The following SGSM3 variants were observed in gnomAD, a reference collection of about 807,000 sequenced individuals.
SGSM3 encodes the protein small G protein signaling modulator 3, also known as RUN and SH3 containing 3.
In SGSM3, 96 loss-of-function variants were observed where a neutral mutation model predicts 100.5. The ratio of observed to expected loss-of-function variants is 0.96; its 90% CI spans 0.81 to 1.13. The LOEUF is 1.13. SGSM3 is among the 50% of genes most tolerant of loss of function. SGSM3 has a pLI of 0.00. For missense variants in SGSM3, 1,001 were observed against 1,015.8 expected (o/e 0.99, Z 0.20); for synonymous variants, 483 against 422.8 (o/e 1.14, Z -1.75).
chr22:40,406,269 G>C (rs375128564), intron 9 of SGSM3, 46 bp downstream of exon 9: 31 of 1,607,096 alleles, frequency 1.9e-5, no homozygotes, highest in Non-Finnish European at 2.5e-5. Context: ...CACCCGAGAT[G>C]GGGGGCAGGG....
chr22:40,403,377 G>A (rs1187589366), intron 4 of SGSM3, among the ~76,000 whole-genome samples: 1 of 152,210 alleles, frequency 6.6e-6, no homozygotes, highest in Non-Finnish European at 1.5e-5. Context: ...GGACCCAACT[G>A]TGGGTGGTGC....
intron 1 of SGSM3, chr22:40,372,796 T>G (rs1279365178): frequency 6.6e-6 from 1 of 152,210 alleles, no homozygotes; most frequent in Non-Finnish European, 1.5e-5. Flanking sequence ...AGTTTTTCTC[T>G]TCTTAGTTCT....
chr22:40,372,030 C>T (rs1437705779), intron 1 of SGSM3, among the ~76,000 whole-genome samples: 4 of 151,176 alleles, frequency 2.6e-5, no homozygotes. Context: ...AGATATCTTT[C>T]CTGGCTTTTG....
At chr22:40,405,386 T>C in intron 7 of SGSM3, 102 bp downstream of exon 7, 1 of 1,189,656 alleles carries the variant, frequency 8.4e-7, no homozygotes, top group Non-Finnish European at 1.1e-6. Flanking sequence ...CAGGGCCTCC[T>C]CCAGGACCCC....
At chr22:40,395,140 G>A (rs1248761920) in intron 1 of SGSM3, among the ~76,000 whole-genome samples, 1 of 152,088 alleles carries the variant, frequency 6.6e-6, no homozygotes, top group Non-Finnish European at 1.5e-5. Context: ...CTAACACATG[G>A]AACAGTGTTT....
chr22:40,391,208 C>T (rs2049317553), intron 1 of SGSM3, among the ~76,000 whole-genome samples: 1 of 152,224 alleles, frequency 6.6e-6, no homozygotes, highest in Non-Finnish European at 1.5e-5. Flanking sequence ...GAGGCAGAGT[C>T]TCAGGTCCTA....
intron 1 of SGSM3, among the ~76,000 whole-genome samples, chr22:40,384,256 A>G (rs899943836): frequency 1.3e-5 from 2 of 152,096 alleles, no homozygotes; most frequent in African/African-American, 2.4e-5. Context: ...CAACAACAAC[A>G]ACGACAAAAA....
In SGSM3 at chr22:40,409,864, G is replaced by GGGATATCAATATCA. The variant is rs753844561; in HGVS notation, c.*108_*121dup. 1,607 of 1,474,950 alleles carry GGGATATCAATATCA rather than the reference G, an allele frequency of 1.1e-3. 16 individuals carry two copies. Among genetic ancestry groups the GGGATATCAATATCA allele is most frequent in the South Asian group, 2.2e-3 (158 of 72,392 alleles). The allele number at this position is 1,474,950 out of a possible 1,614,324, so 91.4% of individuals were successfully genotyped here. On this transcript the variant is annotated 3_prime_UTR_variant, in exon 22 of 22. Transcript: ENST00000248929. Reference sequence around the variant, plus strand: ...GCTCCAGAGCCCTGGCCGGGGCCGCGGGATATCAATATCAGGCTGCCCCAC... The same window carrying GGGATATCAATATCA: ...GCTCCAGAGCCCTGGCCGGGGCCGCGGGATATCAATATCAGGATATCAATATCAGGCTGCCCCAC...
At chr22:40,393,008 C>A (rs2049558927) in intron 1 of SGSM3, among the ~76,000 whole-genome samples, 2 of 152,226 alleles carry the variant, frequency 1.3e-5, no homozygotes, top group Admixed American at 1.3e-4. Context: ...TAGCACATAT[C>A]AGTATTTCAT....
At chr22:40,393,762 T>TA (rs1433745662) in intron 1 of SGSM3, among the ~76,000 whole-genome samples, 2 of 152,178 alleles carry the variant, frequency 1.3e-5, no homozygotes, top group African/African-American at 2.4e-5. Flanking sequence ...TGCATCCTAA[T>TA]ATGGCAGAAG....
chr22:40,409,256 G>A lies in SGSM3; in HGVS notation c.1995G>A (p.Gln665=). ...RSLICVGLNE[Q]VLHLWLEVLC... is the part of the protein sequence containing the mutation. The stretch of plus-strand genomic sequence containing the variant: ...CTCCTGGCCATGTCCCCAGTGAGCA[G>A]GTGCTGCACCTGTGGCTGGAGGTGC... The change falls in exon 20 of 22, where the codon CAG becomes CAA. Residue 665 remains glutamine (Q), a synonymous_variant. Coordinates refer to ENST00000248929, the MANE Select transcript of SGSM3 (RefSeq NM_015705.6). 6.2e-7 allele frequency: 1 copy of A among 1,606,312 alleles called. No homozygotes were observed. The highest frequency in any genetic ancestry group is 2.2e-5 in the East Asian group (1 of 44,852).
Position 40,404,388 on chromosome 22 carries a change from C to A in SGSM3, c.299C>A (p.Ser100Tyr), listed in dbSNP as rs760235406. The A allele has an allele frequency of 3.7e-6, 6 of 1,608,976 alleles. No individual in the cohort carries two copies. Among genetic ancestry groups the A allele is most frequent in the African/African-American group, 1.3e-5 (1 of 74,974 alleles). The change falls in exon 5 of 22, where the codon TCC (serine) becomes TAC (tyrosine). Residue 100 changes from serine (S) to tyrosine (Y), a missense_variant. By Grantham distance (144) the Ser-to-Tyr change is moderately radical. Coordinates refer to ENST00000248929, the MANE Select transcript of SGSM3 (RefSeq NM_015705.6). ...GDLTWDKIAV[S>Y]LPRSEKLRSL... Reference sequence around the variant, plus strand: ...CTCACCTGGGACAAGATTGCCGTCTCCCTACCCCGCTCTGAGAAGCTCCGC... The same window carrying A: ...CTCACCTGGGACAAGATTGCCGTCTACCTACCCCGCTCTGAGAAGCTCCGC...
Position 40,408,001 on chromosome 22 carries a change from G to A in SGSM3, c.1580-70G>A, listed in dbSNP as rs2051873747. ...AGCCGGCTTCCCACTGCCTCAGCCT[G>A]CCTGCAGGCTGTGTCTGCTCTGTCC... On this transcript the variant is annotated intron_variant, in intron 14 of 21. Transcript: ENST00000248929. 3.2e-6 allele frequency: 5 copies of A among 1,542,606 alleles called. No individual in the cohort carries two copies. The East Asian group carries it at 6.8e-5, about 21-fold the overall frequency.
chr22:40,379,288 A>G (rs953184589), intron 1 of SGSM3: 1 of 152,204 alleles, frequency 6.6e-6, no homozygotes, highest in Admixed American at 6.5e-5. Flanking sequence ...CCTCAACACA[A>G]AGTCACCATT....
rs1465157955 is a variant in SGSM3, at chr22:40,407,620, G to T, written c.1524+52G>T. ...TCCTCAGGCTGTGGCGGGTTCCCCA[G>T]ACTCCCTCCACCAAGCCCCACCCCA... On this transcript the variant is annotated intron_variant, in intron 13 of 21. Transcript: ENST00000248929. This position sits in a 1 kb window ranked among gnomAD's most constrained non-coding sequence, Gnocchi z 4.7. 6.3e-7 allele frequency: 1 copy of T among 1,586,970 alleles called. No individual in the cohort carries two copies. Among genetic ancestry groups the T allele is most frequent in the African/African-American group, 1.3e-5 (1 of 74,768 alleles).
chr22:40,387,656 C>T (rs945827982), intron 1 of SGSM3, among the ~76,000 whole-genome samples: 1 of 152,212 alleles, frequency 6.6e-6, no homozygotes, highest in African/African-American at 2.4e-5. Context: ...TATTTCACTT[C>T]TACTTCTGGG....
rs2146986492 is a variant in SGSM3 at position 40,405,834 on chromosome 22, G to A, written c.804G>A (p.Glu268=). 2 of 1,610,108 alleles carry A rather than the reference G, an allele frequency of 1.2e-6. No homozygotes were observed. Among genetic ancestry groups the A allele is most frequent in the East Asian group, 2.2e-5 (1 of 44,780 alleles). Residue 268 remains glutamate (E), a synonymous_variant, in exon 8 of 22, where the codon GAG becomes GAA. Transcript: ENST00000248929. The part of the protein sequence containing the change: ...YLPRLDKLLQ[E]HDIELSLITL... ...CTCGCCTGGACAAGCTGCTCCAGGAGCATGACATTGGTAAGGCGCCCCTGA... is the reference window on the plus strand; with the variant it reads ...CTCGCCTGGACAAGCTGCTCCAGGAACATGACATTGGTAAGGCGCCCCTGA...
rs9611338 is a variant in SGSM3 at position 40,401,643 on chromosome 22, T to C, written c.58T>C (p.Trp20Arg). The change falls in exon 3 of 22, where the codon TGG (tryptophan) becomes CGG (arginine). Residue 20 changes from tryptophan (W) to arginine (R), a missense_variant. By Grantham distance (101) the Trp-to-Arg change is moderately radical. Transcript: ENST00000248929. ...TTTCTCAGCCCTGACTCCGAGCATATGGCCCCAGGAGATCTTGGCCAAGTA... is the reference window on the plus strand; with the variant it reads ...TTTCTCAGCCCTGACTCCGAGCATACGGCCCCAGGAGATCTTGGCCAAGTA... Reference protein sequence around the residue: ...GPFSALTPSIWPQEILAKYTQ... With the variant: ...GPFSALTPSIRPQEILAKYTQ... 15,504 of 1,613,356 alleles carry C rather than the reference T, an allele frequency of 9.6e-3. 105 individuals carry two copies. The highest frequency in any genetic ancestry group is 0.012 in the Non-Finnish European group (13,971 of 1,179,462).
At position 40,407,883 on chromosome 22, in the gene SGSM3, AG is replaced by A; in HGVS notation, c.1579+45del. 1.2e-5 allele frequency: 17 copies of A among 1,401,440 alleles called. No homozygotes were observed. The highest frequency in any genetic ancestry group is 1.7e-5 in the Non-Finnish European group (17 of 996,980). 86.8% of individuals were successfully genotyped at this position (1,401,440 alleles called of 1,614,324 possible). ...CTGCTCTTGAGCTGGGAGAGGGAGGAGGGGGTGGGCACAGAAGACTTGGGTG... is the reference window on the plus strand; with the variant it reads ...CTGCTCTTGAGCTGGGAGAGGGAGGAGGGGTGGGCACAGAAGACTTGGGTG... On this transcript the variant is annotated intron_variant, in intron 14 of 21. Transcript: ENST00000248929. The surrounding 1 kb of genome is among the most constrained non-coding windows in gnomAD (Gnocchi z 4.7).
Sources: gnomAD v4.1 joint callset for allele counts (sites outside exome capture counted in the v4.1 genomes callset) on GRCh38, gnomAD v4.1.1 for gene constraint, Gnocchi (gnomAD v3.1) non-coding constraint, MANE v1.5 for transcripts, NCBI Gene and HGNC (gene_info 2026-07-23, HGNC 2026-07-21) for gene names.